Variants in CBLB observed in about 807,000 individuals in gnomAD.
The protein encoded by CBLB is Cbl proto-oncogene B.
In CBLB, 31 loss-of-function variants were observed where a neutral mutation model predicts 104.9. The ratio of observed to expected loss-of-function variants is 0.30; its 90% CI spans 0.22 to 0.40. The LOEUF is 0.40. CBLB is among the 10% of genes least tolerant of loss of function. The pLI is 1.00. For synonymous variants in CBLB, 440 were observed against 422.6 expected (o/e 1.04, Z -0.51); for missense variants, 1,062 against 1,214.6 (o/e 0.87, Z 1.87).
chr3:105,828,486 C>G (rs1000018822), intron 3 of CBLB, among the ~76,000 whole-genome samples: 1 of 152,154 alleles, frequency 6.6e-6, no homozygotes, highest in Non-Finnish European at 1.5e-5. Flanking sequence ...TAATTTTTGT[C>G]TTTTCTTAAA....
intron 9 of CBLB, among the ~76,000 whole-genome samples, chr3:105,725,318 G>A (rs1305048840): frequency 6.6e-6 from 1 of 152,128 alleles, no homozygotes; most frequent in African/African-American, 2.4e-5. Flanking sequence ...AGTTGGTCTA[G>A]AATGAGCTGG....
intron 8 of CBLB, 72 bp downstream of exon 8, chr3:105,737,099 A>G (rs1020033138): frequency 1.4e-6 from 1 of 730,142 alleles, no homozygotes; most frequent in Non-Finnish European, 2.4e-6. Context: ...TAACTACACT[A>G]AGAGAGTCTT....
intron 3 of CBLB, among the ~76,000 whole-genome samples, chr3:105,798,737 T>C (rs1179625165): frequency 6.6e-6 from 1 of 152,214 alleles, no homozygotes; most frequent in Non-Finnish European, 1.5e-5. Context: ...TACTCTTTTT[T>C]TTCCCCTTTG....
chr3:105,670,540 A>G (rs1435566986), intron 17 of CBLB, 188 bp from the exon 18 acceptor site: 1 of 575,438 alleles, frequency 1.7e-6, no homozygotes, highest in Non-Finnish European at 3.1e-6. Context: ...TTGCTTAAAT[A>G]TGCTCTTCAC....
chr3:105,819,402 A>C (rs547717222), intron 3 of CBLB, among the ~76,000 whole-genome samples: 9 of 152,054 alleles, frequency 5.9e-5, no homozygotes, highest in African/African-American at 1.9e-4. Flanking sequence ...CAGGAGAATC[A>C]CTTGAACCCA....
At chr3:105,821,260 A>ATC (rs1553834227) in intron 3 of CBLB, among the ~76,000 whole-genome samples, 32 of 149,400 alleles carry the variant, frequency 2.1e-4, no homozygotes, top group Non-Finnish European at 3.7e-4. Flanking sequence ...ATCTATATCT[A>ATC]TATCTATCTA....
At chr3:105,840,615 A>G (rs1189304557) in intron 3 of CBLB, among the ~76,000 whole-genome samples, 2 of 152,210 alleles carry the variant, frequency 1.3e-5, no homozygotes, top group African/African-American at 4.8e-5. Context: ...TTAGAAATAT[A>G]TCACACATGA....
chr3:105,762,486 C>T (rs1339982958), intron 4 of CBLB: 2 of 152,310 alleles, frequency 1.3e-5, no homozygotes, highest in Admixed American at 6.5e-5. Flanking sequence ...GCATCCCAGC[C>T]ATGGCTATAA....
chr3:105,734,406 G>C (rs2074673849), intron 8 of CBLB, among the ~76,000 whole-genome samples: 2 of 152,066 alleles, frequency 1.3e-5, no homozygotes, highest in Middle Eastern at 3.4e-3. Context: ...TGTTCCTTTA[G>C]GAAGGGACTT....
intron 10 of CBLB, among the ~76,000 whole-genome samples, chr3:105,711,372 G>T (rs2071050055): frequency 6.6e-6 from 1 of 151,864 alleles, no homozygotes; most frequent in Admixed American, 6.6e-5. Flanking sequence ...AATAGTCTAA[G>T]CATATTTTAC....
intron 3 of CBLB, among the ~76,000 whole-genome samples, chr3:105,801,939 T>C (rs1413273811): frequency 6.6e-6 from 1 of 152,208 alleles, no homozygotes; most frequent in Non-Finnish European, 1.5e-5. Flanking sequence ...GGAAGTTGCC[T>C]GGATTCTAAA....
At chr3:105,756,939 G>A (rs922712687) in intron 4 of CBLB, among the ~76,000 whole-genome samples, 3 of 152,076 alleles carry the variant, frequency 2.0e-5, no homozygotes, top group Admixed American at 6.5e-5. Context: ...CCATCCTGAC[G>A]ACAATGAGTT....
chr3:105,761,454 A>C (rs1285340119), intron 4 of CBLB, among the ~76,000 whole-genome samples: 2 of 152,216 alleles, frequency 1.3e-5, no homozygotes, highest in African/African-American at 2.4e-5. Flanking sequence ...TAACTGAATC[A>C]TGGGGGCAGT....
At chr3:105,869,350 C>T (rs1456874330), upstream of CBLB, 6 of 1,338,316 alleles carry the variant, frequency 4.5e-6, no homozygotes, top group East Asian at 8.0e-5. Flanking sequence ...TAAGGGGTGG[C>T]AGGTGGGCGT....
At chr3:105,693,421 T>C in intron 13 of CBLB, 73 bp downstream of exon 13, 2 of 815,116 alleles carry the variant, frequency 2.5e-6, no homozygotes, top group Non-Finnish European at 3.9e-6. Flanking sequence ...GTGTCTGTAC[T>C]GAGAACCTCT....
chr3:105,688,406 A>C lies in CBLB; in HGVS notation c.2055-2940T>G, dbSNP rs575453119. On this transcript the variant is annotated intron_variant, in intron 13 of 18. Transcript: ENST00000394030. ...TTAGTTATTTGAGCCTTCAGTGATA[A>C]ATACATTCATCTTCTACATATGCAC... Among the ~76,000 whole-genome samples, 6 of 152,156 alleles carry C rather than the reference A, an allele frequency of 3.9e-5. No homozygotes were observed. The South Asian group carries it at 1.2e-3, about 32-fold the overall frequency.
At chr3:105,816,800 C>T (rs1314376303) in intron 3 of CBLB, among the ~76,000 whole-genome samples, 1 of 152,058 alleles carries the variant, frequency 6.6e-6, no homozygotes, top group East Asian at 1.9e-4. Flanking sequence ...CCCAGCACTG[C>T]TGCGGTGGAT....
chr3:105,818,193 T>TAATTTGGACACA (rs1329173359), intron 3 of CBLB, among the ~76,000 whole-genome samples: 1 of 152,166 alleles, frequency 6.6e-6, no homozygotes, highest in African/African-American at 2.4e-5. Context: ...AAATTTGTAA[T>TAATTTGGACACA]AATAAAATGT....
chr3:105,697,443 A>G (rs1041132970), intron 12 of CBLB, among the ~76,000 whole-genome samples: 3 of 151,998 alleles, frequency 2.0e-5, no homozygotes, highest in African/African-American at 7.2e-5. Context: ...ATTAAGAAAA[A>G]CATCTTTTAA....
Sources: gnomAD v4.1 joint callset for allele counts (sites outside exome capture counted in the v4.1 genomes callset) on GRCh38, gnomAD v4.1.1 for gene constraint, MANE v1.5 for transcripts, NCBI Gene and HGNC (gene_info 2026-07-23, HGNC 2026-07-21) for gene names.